PLPP1: variants seen among roughly 807,000 people sequenced by gnomAD.
The protein encoded by PLPP1 is phospholipid phosphatase 1, also known as lipid phosphate phosphohydrolase 1a.
Under a neutral mutation model 31.2 loss-of-function variants are expected in PLPP1, and 24 were observed. That is an observed-to-expected ratio of 0.77 (90% CI 0.56 to 1.08). PLPP1 has a LOEUF of 1.08. PLPP1 is among the 50% of genes least tolerant of loss of function. The probability of loss-of-function intolerance (pLI) is 0.00; values close to 1 mark genes in which losing one functional copy is unlikely to be tolerated. For synonymous variants in PLPP1, 146 were observed against 126.3 expected, an observed-to-expected ratio of 1.16 and a Z score of -1.05; for missense variants, 319 against 342.7, an observed-to-expected ratio of 0.93 and a Z score of 0.55.
At chr5:55,446,913 A>G (rs1313481334) in intron 3 of PLPP1, among the ~76,000 whole-genome samples, 1 of 152,164 alleles carries the variant, frequency 6.6e-6, no homozygotes, top group East Asian at 1.9e-4. Flanking sequence ...TTCACTGCCT[A>G]TCAAAACTCA....
At chr5:55,472,563 G>A (rs1265807635) in intron 2 of PLPP1, among the ~76,000 whole-genome samples, 4 of 151,912 alleles carry the variant, frequency 2.6e-5, no homozygotes, top group Non-Finnish European at 4.4e-5. Flanking sequence ...TCGCGCCAGT[G>A]CACTCCAGCC....
At chr5:55,516,986 T>C (rs1248300054) in intron 1 of PLPP1, among the ~76,000 whole-genome samples, 1 of 152,200 alleles carries the variant, frequency 6.6e-6, no homozygotes, top group African/African-American at 2.4e-5. Flanking sequence ...TGTCTTTATC[T>C]CATATAATTC....
chr5:55,469,812 A>G (rs1421671902), intron 2 of PLPP1, among the ~76,000 whole-genome samples: 5 of 152,330 alleles, frequency 3.3e-5, no homozygotes, highest in African/African-American at 1.2e-4. Flanking sequence ...GAGTTCCATA[A>G]TTAGAATGTT....
chr5:55,439,742 A>G (rs756931459), intron 4 of PLPP1, among the ~76,000 whole-genome samples: 6 of 152,228 alleles, frequency 3.9e-5, no homozygotes, highest in Admixed American at 1.3e-4. Flanking sequence ...TTGACCAATT[A>G]CACAGACGTT....
intron 1 of PLPP1, among the ~76,000 whole-genome samples, chr5:55,476,751 CT>C (rs1301343097): frequency 6.6e-6 from 1 of 152,186 alleles, no homozygotes; most frequent in Non-Finnish European, 1.5e-5. Flanking sequence ...CACTAAGGCC[CT>C]AAAGGCTAAA....
At chr5:55,497,154 A>G (rs1320201471) in intron 1 of PLPP1, among the ~76,000 whole-genome samples, 2 of 152,220 alleles carry the variant, frequency 1.3e-5, no homozygotes, top group African/African-American at 4.8e-5. Context: ...TTATTCATTC[A>G]AACATTTCCA....
At chr5:55,451,752 G>A (rs1358994088) in intron 3 of PLPP1, among the ~76,000 whole-genome samples, 1 of 151,984 alleles carries the variant, frequency 6.6e-6, no homozygotes, top group Non-Finnish European at 1.5e-5. Context: ...TAGTAGAGAC[G>A]GGGTTTCACC....
intron 1 of PLPP1, among the ~76,000 whole-genome samples, chr5:55,505,137 A>C (rs1483843504): frequency 2.0e-5 from 3 of 152,000 alleles, no homozygotes; most frequent in Non-Finnish European, 2.9e-5. Context: ...GGAAGGGCTA[A>C]ATTTCCTTCT....
At chr5:55,488,849 C>T (rs570039493) in intron 1 of PLPP1, among the ~76,000 whole-genome samples, 7 of 151,958 alleles carry the variant, frequency 4.6e-5, no homozygotes, top group Admixed American at 1.3e-4. Context: ...GCCAACACAG[C>T]GAAACCCCAT....
chr5:55,517,403 C>T (rs1033332472), intron 1 of PLPP1, among the ~76,000 whole-genome samples: 2 of 152,180 alleles, frequency 1.3e-5, no homozygotes, highest in African/African-American at 4.8e-5. Flanking sequence ...TGCCATGTTG[C>T]CCAGGCTGGT....
chr5:55,520,803 T>C (rs548068428), intron 1 of PLPP1, among the ~76,000 whole-genome samples: 17 of 152,386 alleles, frequency 1.1e-4, no homozygotes, highest in African/African-American at 4.1e-4. Flanking sequence ...TTCTGAACTA[T>C]CTACAGGAAT....
At chr5:55,471,254 T>C (rs1752408261) in intron 2 of PLPP1, among the ~76,000 whole-genome samples, 1 of 150,562 alleles carries the variant, frequency 6.6e-6, no homozygotes, top group South Asian at 2.1e-4. Context: ...CAGGCTAGAG[T>C]GCAGCGGCGT....
rs1171733269 is a variant in PLPP1, at chr5:55,512,512, A to G, written c.58+22060T>C. 4.3e-3 allele frequency among the ~76,000 whole-genome samples: 159 copies of G among 36,854 alleles called. 10 individuals carry two copies. The highest frequency in any genetic ancestry group is 0.011 in the African/African-American group (150 of 13,352). 24.2% of individuals were successfully genotyped at this position (36,854 alleles called of 152,430 possible). On this transcript the variant is annotated intron_variant, in intron 1 of 5. Transcript: ENST00000307259. ...AGAAAGAAAGAAAAGAAAAGAAAAG[A>G]AAAGAAAGAAAGAAAGAAAGAAAGA...
chr5:55,494,269 T>C (rs982707201), intron 1 of PLPP1, among the ~76,000 whole-genome samples: 1 of 151,970 alleles, frequency 6.6e-6, no homozygotes, highest in African/African-American at 2.4e-5. Context: ...AAGTAGTGTG[T>C]AGATAGTGGA....
chr5:55,452,425 C>T (rs1184284487), intron 3 of PLPP1, among the ~76,000 whole-genome samples: 1 of 152,126 alleles, frequency 6.6e-6, no homozygotes, highest in African/African-American at 2.4e-5. Context: ...CACCAGAAGC[C>T]AAGCAGATGT....
intron 1 of PLPP1, among the ~76,000 whole-genome samples, chr5:55,480,907 G>A (rs982648539): frequency 6.6e-6 from 1 of 152,120 alleles, no homozygotes; most frequent in Non-Finnish European, 1.5e-5. Flanking sequence ...CCCACATTCC[G>A]CTTTTTGATA....
chr5:55,516,379 T>C (rs1753555672), intron 1 of PLPP1, among the ~76,000 whole-genome samples: 1 of 152,204 alleles, frequency 6.6e-6, no homozygotes, highest in Admixed American at 6.5e-5. Flanking sequence ...TCCTCCTTTT[T>C]TTTAGACCCC....
chr5:55,483,687 A>AC (rs56176421), intron 1 of PLPP1, among the ~76,000 whole-genome samples: 1 of 150,306 alleles, frequency 6.7e-6, no homozygotes, highest in Non-Finnish European at 1.5e-5. Context: ...AAAAAAAAAA[A>AC]CTACATTATT....
intron 3 of PLPP1, among the ~76,000 whole-genome samples, chr5:55,451,560 T>G (rs1399581650): frequency 6.6e-6 from 1 of 151,916 alleles, no homozygotes; most frequent in African/African-American, 2.4e-5. Context: ...AGAAACCTTT[T>G]TTTTTTTTTT....
Sources: allele counts gnomAD v4.1 joint callset (sites outside exome capture counted in the v4.1 genomes callset), GRCh38; gene constraint gnomAD v4.1.1; transcripts MANE v1.5; gene names NCBI Gene and HGNC (gene_info 2026-07-23, HGNC 2026-07-21).